NBEA: variants seen among roughly 807,000 people sequenced by gnomAD.
The protein encoded by NBEA is lysosomal-trafficking regulator 2.
A neutral mutation model predicts 343.4 loss-of-function variants in NBEA; 44 were observed. The ratio of observed to expected loss-of-function variants is 0.13; its 90% CI spans 0.10 to 0.16. The LOEUF is 0.16. NBEA is among the 10% of genes least tolerant of loss of function. The pLI is 1.00. For synonymous variants in NBEA, 1,175 were observed against 1,238.7 expected, an observed-to-expected ratio of 0.95 and a Z score of 1.08; for missense variants, 2,555 against 3,631.3, an observed-to-expected ratio of 0.70 and a Z score of 7.62.
chr13:35,058,648 C>T lies in NBEA; in HGVS notation c.1093-69C>T, dbSNP rs2063353402. 3.3e-6 allele frequency: 4 copies of T among 1,211,838 alleles called. No homozygotes were observed. In the East Asian group the frequency reaches 1.0e-4, roughly 31 times the overall value. 75.1% of individuals were successfully genotyped at this position (1,211,838 alleles called of 1,614,324 possible). On this transcript the variant is annotated intron_variant, in intron 7 of 58. Transcript: ENST00000379939. Reference sequence around the variant, plus strand: ...TTTAAAATATTCATGATAATGAAGGCCGATTTAAGGATTTAAACCTTTTTG... The same window carrying T: ...TTTAAAATATTCATGATAATGAAGGTCGATTTAAGGATTTAAACCTTTTTG...
At chr13:35,598,642 C>T (rs2081913716) in intron 47 of NBEA, among the ~76,000 whole-genome samples, 1 of 152,208 alleles carries the variant, frequency 6.6e-6, no homozygotes, top group African/African-American at 2.4e-5. Context: ...CTCTTTCAAG[C>T]TGTGAATTAG....
At chr13:35,586,233 A>T (rs1464044220) in intron 46 of NBEA, among the ~76,000 whole-genome samples, 1 of 152,184 alleles carries the variant, frequency 6.6e-6, no homozygotes. Flanking sequence ...TTCCTTAGGC[A>T]TTCTCTCCAT....
intron 11 of NBEA, among the ~76,000 whole-genome samples, chr13:35,106,841 C>T (rs926435256): frequency 2.3e-4 from 35 of 151,596 alleles, no homozygotes; most frequent in African/African-American, 8.5e-4. Flanking sequence ...GGTCCAAGTT[C>T]CAAACTTGTT....
chr13:35,545,323 A>G (rs879717813), intron 41 of NBEA, among the ~76,000 whole-genome samples: 1 of 152,048 alleles, frequency 6.6e-6, no homozygotes, highest in Non-Finnish European at 1.5e-5. Flanking sequence ...TTCTGCCCCC[A>G]TCCCACTGCA....
At chr13:35,201,508 C>T (rs752254399) in intron 31 of NBEA, among the ~76,000 whole-genome samples, 3 of 151,920 alleles carry the variant, frequency 2.0e-5, no homozygotes, top group East Asian at 3.9e-4. Context: ...TAAGTTTCAA[C>T]GTTTTCTTTC....
At chr13:35,441,160 C>T (rs906215368) in intron 39 of NBEA, among the ~76,000 whole-genome samples, 1 of 151,990 alleles carries the variant, frequency 6.6e-6, no homozygotes, top group Non-Finnish European at 1.5e-5. Context: ...AATCTCCTAC[C>T]CCCATTTTCC....
At chr13:35,255,322 G>T (rs2032462824) in intron 34 of NBEA, among the ~76,000 whole-genome samples, 1 of 152,236 alleles carries the variant, frequency 6.6e-6, no homozygotes, top group South Asian at 2.1e-4. Context: ...AAACCTCTGT[G>T]GCTAGTGGCA....
rs1181087322 is a variant in NBEA, at chr13:35,140,481, A to G, written c.2337-1788A>G. On this transcript the variant is annotated intron_variant, in intron 17 of 58. Coordinates refer to ENST00000379939, the MANE Select transcript of NBEA (RefSeq NM_001385012.1). ...GGAAGAGATTTAAACCTTCCCTTCC[A>G]TAGTCCCATAATACTCATTAGCCCT... Among the ~76,000 whole-genome samples the G allele has an allele frequency of 3.9e-5, 6 of 152,154 alleles. 1 individual carries two copies. The highest frequency in any genetic ancestry group is 8.8e-5 in the Non-Finnish European group (6 of 68,040).
intron 5 of NBEA, among the ~76,000 whole-genome samples, chr13:35,049,972 T>A (rs1214905527): frequency 1.3e-5 from 2 of 151,838 alleles, no homozygotes; most frequent in Non-Finnish European, 2.9e-5. Context: ...TTGCAAATGG[T>A]CCTTAAAGTC....
At chr13:35,294,404 A>T (rs778400306) in intron 35 of NBEA, among the ~76,000 whole-genome samples, 1 of 152,126 alleles carries the variant, frequency 6.6e-6, no homozygotes, top group Non-Finnish European at 1.5e-5. Context: ...GAGGCCTATT[A>T]AAAAATATTC....
chr13:35,490,226 T>C (rs1016890716), intron 41 of NBEA, among the ~76,000 whole-genome samples: 10 of 151,878 alleles, frequency 6.6e-5, no homozygotes, highest in Admixed American at 5.3e-4. Flanking sequence ...AGCTAAGTAG[T>C]TTTATAAGCT....
intron 38 of NBEA, among the ~76,000 whole-genome samples, chr13:35,424,652 T>A (rs1001379237): frequency 6.6e-6 from 1 of 152,230 alleles, no homozygotes; most frequent in Admixed American, 6.5e-5. Context: ...ATCAGGATGA[T>A]GCTGGCCTCA....
chr13:35,280,511 A>C (rs569595437), intron 34 of NBEA, among the ~76,000 whole-genome samples: 1 of 152,122 alleles, frequency 6.6e-6, no homozygotes, highest in Admixed American at 6.6e-5. Context: ...AATAATCACA[A>C]TAGGAATTAC....
chr13:35,476,102 T>C (rs1260046087), intron 41 of NBEA: 2 of 1,614,106 alleles, frequency 1.2e-6, no homozygotes, highest in Admixed American at 1.7e-5. Context: ...TAGTATTTAT[T>C]CAGATGGTAG....
chr13:35,523,615 G>A (rs368810767), intron 41 of NBEA, among the ~76,000 whole-genome samples: 33 of 152,236 alleles, frequency 2.2e-4, no homozygotes, highest in African/African-American at 7.7e-4. Flanking sequence ...TAAAGCATAC[G>A]CCTGCCTCTC....
At chr13:34,968,504 G>T (rs1203435323) in intron 1 of NBEA, among the ~76,000 whole-genome samples, 2 of 152,188 alleles carry the variant, frequency 1.3e-5, no homozygotes, top group South Asian at 2.1e-4. Flanking sequence ...TTGAAGTTCT[G>T]TGCCAAGAAT....
At chr13:35,661,656 C>T (rs1000732765) in intron 55 of NBEA, among the ~76,000 whole-genome samples, 14 of 152,088 alleles carry the variant, frequency 9.2e-5, no homozygotes, top group Non-Finnish European at 1.8e-4. Flanking sequence ...GACTCCTGAC[C>T]GATACCGCTC....
chr13:35,434,982 C>G (rs2045341967), intron 39 of NBEA, among the ~76,000 whole-genome samples: 1 of 152,004 alleles, frequency 6.6e-6, no homozygotes, highest in Admixed American at 6.6e-5. Context: ...CTGGAGAAGA[C>G]CAAAAAAGAT....
chr13:35,626,382 A>G (rs1647337124), intron 48 of NBEA, among the ~76,000 whole-genome samples: 1 of 152,238 alleles, frequency 6.6e-6, no homozygotes, highest in Non-Finnish European at 1.5e-5. Context: ...ACCACTCATG[A>G]TTCCATTAGG....
Sources: gnomAD v4.1 joint callset for allele counts (sites outside exome capture counted in the v4.1 genomes callset) on GRCh38, gnomAD v4.1.1 for gene constraint, MANE v1.5 for transcripts, NCBI Gene and HGNC (gene_info 2026-07-23, HGNC 2026-07-21) for gene names.